KIT: variants seen among roughly 807,000 people sequenced by gnomAD.
KIT encodes the protein mast/stem cell growth factor receptor Kit.
Under a neutral mutation model 105.7 loss-of-function variants are expected in KIT, and 16 were observed. The ratio of observed to expected loss-of-function variants is 0.15; its 90% CI spans 0.10 to 0.23. KIT has a LOEUF of 0.23. KIT is among the 10% of genes least tolerant of loss of function. The pLI is 1.00. For synonymous variants in KIT, 438 were observed against 441.1 expected, an observed-to-expected ratio of 0.99 and a Z score of 0.09; for missense variants, 858 against 1,213.8, an observed-to-expected ratio of 0.71 and a Z score of 4.36.
At position 54,668,756 on chromosome 4, in the gene KIT, TTAAAAA is replaced by T. The variant is rs1157963030; in HGVS notation, c.67+10681_67+10686del. ...GTTATTCTACTTGGCTAGTGCACAC[TTAAAAA>T]TAAAACAAGACTATGTTAAAAAGAT... On this transcript the variant is annotated intron_variant, in intron 1 of 20. Coordinates refer to ENST00000288135, the MANE Select transcript of KIT (RefSeq NM_000222.3). 7.9e-5 allele frequency among the ~76,000 whole-genome samples: 12 copies of T among 152,318 alleles called. No individual in the cohort carries two copies. In the East Asian group the frequency reaches 1.2e-3, roughly 15 times the overall value.
intron 7 of KIT, among the ~76,000 whole-genome samples, chr4:54,711,456 G>T (rs1721153957): frequency 6.6e-6 from 1 of 152,088 alleles, no homozygotes; most frequent in Non-Finnish European, 1.5e-5. Context: ...TGCCAGAGGG[G>T]GCCATGGGAT....
At chr4:54,727,073 C>T (rs999832716) in intron 9 of KIT, 145 bp from the exon 10 acceptor site, 17 of 748,894 alleles carry the variant, frequency 2.3e-5, no homozygotes, top group Non-Finnish European at 3.2e-5. Flanking sequence ...TACAATGTAA[C>T]CAAGGTGAAG....
At chr4:54,689,300 G>A (rs750161240) in intron 1 of KIT, among the ~76,000 whole-genome samples, 12 of 152,030 alleles carry the variant, frequency 7.9e-5, no homozygotes, top group African/African-American at 1.2e-4. Flanking sequence ...ATAAAATATC[G>A]AATACAACTC....
intron 7 of KIT, among the ~76,000 whole-genome samples, chr4:54,721,524 C>T (rs1249990902): frequency 2.0e-5 from 3 of 152,200 alleles, no homozygotes; most frequent in African/African-American, 7.2e-5. Flanking sequence ...GATGCCCCTA[C>T]CTTGAGATTG....
intron 1 of KIT, among the ~76,000 whole-genome samples, chr4:54,686,547 G>GTT: frequency 6.6e-6 from 1 of 152,212 alleles, no homozygotes; most frequent in East Asian, 1.9e-4. Flanking sequence ...ACCTGAGTAG[G>GTT]TTTTTTCTTT....
At chr4:54,722,452 C>G (rs995356369) in intron 7 of KIT, among the ~76,000 whole-genome samples, 1 of 152,256 alleles carries the variant, frequency 6.6e-6, no homozygotes, top group Non-Finnish European at 1.5e-5. Flanking sequence ...GAAACTTACT[C>G]AAGTTCAAAG....
chr4:54,696,171 A>G (rs1327418907), intron 2 of KIT, among the ~76,000 whole-genome samples: 2 of 152,146 alleles, frequency 1.3e-5, no homozygotes, highest in Non-Finnish European at 2.9e-5. Flanking sequence ...AAGCCTAACC[A>G]GACCGACACT....
At chr4:54,729,029 G>A (rs1398577258) in intron 13 of KIT, among the ~76,000 whole-genome samples, 1 of 152,202 alleles carries the variant, frequency 6.6e-6, no homozygotes, top group Non-Finnish European at 1.5e-5. Context: ...CACGTAGGAA[G>A]CTTGATAATA....
chr4:54,674,088 A>G (rs973929084), intron 1 of KIT, among the ~76,000 whole-genome samples: 2 of 152,232 alleles, frequency 1.3e-5, no homozygotes, highest in Admixed American at 1.3e-4. Flanking sequence ...TGTTTTCATA[A>G]AGTGGTAATA....
intron 1 of KIT, 119 bp downstream of exon 1, chr4:54,658,200 G>C: frequency 9.9e-7 from 1 of 1,012,266 alleles, no homozygotes; most frequent in South Asian, 1.3e-5. Flanking sequence ...GTGCCCGTGC[G>C]TTCCAGCCTC....
At chr4:54,702,462 A>G (rs558256226) in intron 4 of KIT, among the ~76,000 whole-genome samples, 2 of 152,254 alleles carry the variant, frequency 1.3e-5, no homozygotes, top group African/African-American at 4.8e-5. Context: ...ACCAGATTTC[A>G]AATGCTTAGT....
chr4:54,659,710 TTA>T (rs992450117), intron 1 of KIT, among the ~76,000 whole-genome samples: 8 of 152,162 alleles, frequency 5.3e-5, no homozygotes, highest in Admixed American at 4.6e-4. Flanking sequence ...CATCTGGTCT[TTA>T]TGTTTTTGTG....
At chr4:54,730,288 T>C (rs1227326082) in intron 14 of KIT, among the ~76,000 whole-genome samples, 2 of 152,144 alleles carry the variant, frequency 1.3e-5, no homozygotes, top group Non-Finnish European at 2.9e-5. Flanking sequence ...AGTTGTGTGG[T>C]AGATTTCTCC....
At chr4:54,700,720 C>T (rs1446805936) in intron 4 of KIT, among the ~76,000 whole-genome samples, 3 of 152,156 alleles carry the variant, frequency 2.0e-5, no homozygotes, top group African/African-American at 4.8e-5. Flanking sequence ...CAATTTTATG[C>T]CTGTTTAAAA....
In KIT at chr4:54,687,446, A is replaced by AT. The variant is rs540403608; in HGVS notation, c.68-8066_68-8065insT. On this transcript the variant is annotated intron_variant, in intron 1 of 20. Coordinates refer to ENST00000288135, the MANE Select transcript of KIT (RefSeq NM_000222.3). ...ACAGAGCAAGACCCCATCTCCAAAA[A>AT]AAAAATAAAAAAAAGACTTACAATC... Among the ~76,000 whole-genome samples the AT allele has an allele frequency of 2.0e-3, 306 of 152,262 alleles. 2 individuals carry two copies. The highest frequency in any genetic ancestry group is 6.9e-3 in the African/African-American group (287 of 41,546).
intron 1 of KIT, among the ~76,000 whole-genome samples, chr4:54,658,910 C>T (rs1717024023): frequency 6.6e-6 from 1 of 152,146 alleles, no homozygotes; most frequent in South Asian, 2.1e-4. Context: ...CGCCCCGGGG[C>T]GGCTGGAGGC....
chr4:54,672,326 C>T (rs1471505547), intron 1 of KIT, among the ~76,000 whole-genome samples: 1 of 151,180 alleles, frequency 6.6e-6, no homozygotes, highest in Non-Finnish European at 1.5e-5. Flanking sequence ...AATGAGGGTA[C>T]TGTGTAAGTG....
At chr4:54,670,369 G>C (rs1364274818) in intron 1 of KIT, among the ~76,000 whole-genome samples, 1 of 152,100 alleles carries the variant, frequency 6.6e-6, no homozygotes, top group Non-Finnish European at 1.5e-5. Flanking sequence ...TAGGCCCTCA[G>C]CTGAAGAACT....
chr4:54,663,520 G>C (rs62297991), intron 1 of KIT, among the ~76,000 whole-genome samples: 3 of 151,490 alleles, frequency 2.0e-5, no homozygotes, highest in Admixed American at 2.0e-4. Flanking sequence ...TATGTAGAGT[G>C]GTTTTTTTTT....
Sources: gnomAD v4.1 joint callset for allele counts (sites outside exome capture counted in the v4.1 genomes callset) on GRCh38, gnomAD v4.1.1 for gene constraint, MANE v1.5 for transcripts, NCBI Gene and HGNC (gene_info 2026-07-23, HGNC 2026-07-21) for gene names.